OR2L13: variants seen among roughly 807,000 people sequenced by gnomAD.
OR2L13 encodes olfactory receptor 2L13.
In OR2L13, 14 loss-of-function variants were observed where a neutral mutation model predicts 15.3. That is an observed-to-expected ratio of 0.91 (90% CI 0.60 to 1.43). The LOEUF (loss-of-function observed/expected upper bound fraction) is 1.43. OR2L13 is among the 40% of genes most tolerant of loss of function. The pLI is 0.00. For missense variants in OR2L13, 367 were observed against 387.9 expected (o/e 0.95, Z 0.45); for synonymous variants, 152 against 142.9 (o/e 1.06, Z -0.45).
chr1:248,016,086 C>A, the OR2L13 span, among the ~76,000 whole-genome samples: 5 of 152,076 alleles, frequency 3.3e-5, no homozygotes, highest in African/African-American at 1.2e-4. Context: ...AAATCTTTGT[C>A]TTCTATGAAT....
the OR2L13 span, among the ~76,000 whole-genome samples, chr1:248,072,871 A>G: frequency 6.6e-6 from 1 of 152,244 alleles, no homozygotes; most frequent in African/African-American, 2.4e-5. Context: ...AAACACATGA[A>G]AAAATGCTCA....
chr1:247,976,594 T>G, the OR2L13 span, among the ~76,000 whole-genome samples: 1 of 152,220 alleles, frequency 6.6e-6, no homozygotes, highest in Non-Finnish European at 1.5e-5. Flanking sequence ...AACATCATGT[T>G]GTACAGTTTT....
the OR2L13 span, among the ~76,000 whole-genome samples, chr1:248,054,589 C>T: frequency 6.6e-6 from 1 of 151,892 alleles, no homozygotes. Context: ...AATGTTTTTC[C>T]CTCTGCTTGT....
At chr1:248,026,381 T>C in the OR2L13 span, among the ~76,000 whole-genome samples, 7 of 152,224 alleles carry the variant, frequency 4.6e-5, no homozygotes, top group African/African-American at 1.7e-4. Flanking sequence ...GTCCTGCATG[T>C]TGCAGATGTT....
chr1:248,066,961 C>A, the OR2L13 span, among the ~76,000 whole-genome samples: 1 of 152,168 alleles, frequency 6.6e-6, no homozygotes, highest in Non-Finnish European at 1.5e-5. Flanking sequence ...AGTAAATGAT[C>A]ACAAGCATCT....
chr1:248,080,998 T>G, the OR2L13 span, among the ~76,000 whole-genome samples: 1 of 152,220 alleles, frequency 6.6e-6, no homozygotes, highest in Non-Finnish European at 1.5e-5. Flanking sequence ...TATCAGGTAC[T>G]CCTTCTTTAA....
At chr1:248,067,959 GC>G in the OR2L13 span, among the ~76,000 whole-genome samples, 1 of 152,254 alleles carries the variant, frequency 6.6e-6, no homozygotes, top group Admixed American at 6.5e-5. Context: ...GCCCGCCATT[GC>G]CCAGGCTTGC....
chr1:247,965,871 G>T, the OR2L13 span: 1 of 1,613,766 alleles, frequency 6.2e-7, no homozygotes, highest in Non-Finnish European at 8.5e-7. Context: ...ATGTGTTTCA[G>T]CTTCCATTCT....
the OR2L13 span, among the ~76,000 whole-genome samples, chr1:247,955,762 A>G: frequency 3.0e-4 from 45 of 152,058 alleles, no homozygotes; most frequent in East Asian, 7.7e-3. Context: ...GTGTCCGTTC[A>G]TATTCTTCGC....
the OR2L13 span, among the ~76,000 whole-genome samples, chr1:248,019,689 T>C: frequency 2.0e-5 from 3 of 151,818 alleles, no homozygotes; most frequent in Non-Finnish European, 2.9e-5. Context: ...TATAGGAGAG[T>C]CTATTTCCTG....
At chr1:247,971,577 AG>A in the OR2L13 span, among the ~76,000 whole-genome samples, 1 of 152,008 alleles carries the variant, frequency 6.6e-6, no homozygotes, top group African/African-American at 2.4e-5. Flanking sequence ...GATAAAGTAA[AG>A]TGAGTATAAC....
the OR2L13 span, among the ~76,000 whole-genome samples, chr1:248,035,354 CAGG>C: frequency 3.9e-5 from 6 of 151,980 alleles, no homozygotes; most frequent in African/African-American, 1.5e-4. Flanking sequence ...GAGGCTGAGG[CAGG>C]AGAATGGAGT....
the OR2L13 span, among the ~76,000 whole-genome samples, chr1:248,089,254 A>C: frequency 6.6e-6 from 1 of 152,174 alleles, no homozygotes; most frequent in African/African-American, 2.4e-5. Flanking sequence ...ACATCTGGGA[A>C]GCTCCGGAAG....
chr1:248,012,323 C>T, the OR2L13 span, among the ~76,000 whole-genome samples: 1 of 152,126 alleles, frequency 6.6e-6, no homozygotes, highest in Non-Finnish European at 1.5e-5. Flanking sequence ...ATGATTCTGT[C>T]CTGAGATCCA....
At chr1:247,973,497 G>C in the OR2L13 span, among the ~76,000 whole-genome samples, 6 of 152,018 alleles carry the variant, frequency 3.9e-5, no homozygotes, top group Non-Finnish European at 7.4e-5. Context: ...GACAGACAGA[G>C]AGCCAAATCA....
the OR2L13 span, among the ~76,000 whole-genome samples, chr1:248,026,129 TAA>T: frequency 2.0e-5 from 3 of 152,142 alleles, no homozygotes; most frequent in African/African-American, 7.2e-5. Flanking sequence ...TTGGCAAATA[TAA>T]GTGTGTCTAT....
chr1:248,012,818 T>G, the OR2L13 span, among the ~76,000 whole-genome samples: 1 of 152,048 alleles, frequency 6.6e-6, no homozygotes, highest in African/African-American at 2.4e-5. Context: ...AAATGATTAT[T>G]AAAAACATTT....
the OR2L13 span, among the ~76,000 whole-genome samples, chr1:248,027,945 C>T: frequency 6.6e-6 from 1 of 151,690 alleles, no homozygotes; most frequent in Non-Finnish European, 1.5e-5. Context: ...TCAAGACCAT[C>T]CTGGCTAACA....
the OR2L13 span, among the ~76,000 whole-genome samples, chr1:248,072,682 G>A: frequency 6.6e-6 from 1 of 151,904 alleles, no homozygotes; most frequent in Non-Finnish European, 1.5e-5. Context: ...CCATCAGAGT[G>A]AACAGGCAAC....
Sources: allele counts gnomAD v4.1 joint callset (sites outside exome capture counted in the v4.1 genomes callset), GRCh38; gene constraint gnomAD v4.1.1; transcripts MANE v1.5; gene names NCBI Gene and HGNC (gene_info 2026-07-23, HGNC 2026-07-21).